The following DHRS3 variants were observed in gnomAD, a reference collection of about 807,000 sequenced individuals.
DHRS3 encodes short-chain dehydrogenase/reductase 3.
A neutral mutation model predicts 27.2 loss-of-function variants in DHRS3; 14 were observed. The observed-to-expected ratio is 0.52, with a 90% CI of 0.34 to 0.81. The LOEUF is 0.81. Among genes scored for constraint, DHRS3 ranks in the 30% least tolerant of loss-of-function variants. The probability of loss-of-function intolerance (pLI) is 0.01; values close to 1 mark genes in which losing one functional copy is unlikely to be tolerated. For missense variants in DHRS3, 322 were observed against 406.2 expected (o/e 0.79, Z 1.78); for synonymous variants, 165 against 175.9 (o/e 0.94, Z 0.49).
Position 12,594,984 on chromosome 1 carries a change from C to A in DHRS3, c.196-14318G>T. Among the ~76,000 whole-genome samples, 1 of 152,154 alleles carries A rather than the reference C, an allele frequency of 6.6e-6. No individual in the cohort carries two copies. The highest frequency in any genetic ancestry group is 2.4e-5 in the African/African-American group (1 of 41,424). On this transcript the variant is annotated intron_variant, in intron 1 of 5. Coordinates refer to ENST00000616661, the MANE Select transcript of DHRS3 (RefSeq NM_004753.7). This position sits in a 1 kb window ranked among gnomAD's most constrained non-coding sequence, Gnocchi z 4.1. ...AAGAATGAGGTTGCCGTTCCCTGAG[C>A]CCCAGCGCCTCCCTCTCCAGGAGGG...
intron 1 of DHRS3, among the ~76,000 whole-genome samples, chr1:12,595,081 AC>A (rs2100696653): frequency 6.6e-6 from 1 of 152,270 alleles, no homozygotes; most frequent in South Asian, 2.1e-4. Flanking sequence ...CAATTGGTTT[AC>A]GCAGAGGGAG....
At chr1:12,616,493 G>T in intron 1 of DHRS3, 1 of 912,750 alleles carries the variant, frequency 1.1e-6, no homozygotes, top group Non-Finnish European at 1.3e-6. Context: ...ATCCCTGGGG[G>T]GTGTACTGGG....
intron 4 of DHRS3, among the ~76,000 whole-genome samples, chr1:12,576,219 G>A (rs1021301727): frequency 6.6e-6 from 1 of 152,070 alleles, no homozygotes. Flanking sequence ...ACACAAACTC[G>A]ATGTCTGCAA....
At chr1:12,600,969 T>C (rs1410172226) in intron 1 of DHRS3, among the ~76,000 whole-genome samples, 1 of 147,742 alleles carries the variant, frequency 6.8e-6, no homozygotes, top group Non-Finnish European at 1.5e-5. Flanking sequence ...CTTTTTTTTC[T>C]TGGGGAGATG....
At chr1:12,571,264 G>A (rs890895783) in intron 5 of DHRS3, among the ~76,000 whole-genome samples, 1 of 152,204 alleles carries the variant, frequency 6.6e-6, no homozygotes, top group African/African-American at 2.4e-5. Context: ...GGAATAGGAT[G>A]CCAGGCAAAT....
chr1:12,588,370 G>A (rs78444419), intron 1 of DHRS3, among the ~76,000 whole-genome samples: 10,865 of 152,254 alleles, frequency 0.071, 401 homozygotes, highest in Non-Finnish European at 0.087. Context: ...AGGTGGGTAT[G>A]TTTACCTTCT....
Position 12,586,392 on chromosome 1 carries a change from C to T in DHRS3, c.196-5726G>A, listed in dbSNP as rs1274590324. On this transcript the variant is annotated intron_variant, in intron 1 of 5. Coordinates refer to ENST00000616661, the MANE Select transcript of DHRS3 (RefSeq NM_004753.7). The surrounding 1 kb of genome is among the most constrained non-coding windows in gnomAD (Gnocchi z 5.0). ...TCCACTCTCCTCACATGCAACCCCA[C>T]GCCCCGCGTTCATCCCCACCCAGCC... Among the ~76,000 whole-genome samples the T allele has an allele frequency of 4.6e-5, 7 of 152,216 alleles. No homozygotes were observed. The highest frequency in any genetic ancestry group is 2.1e-4 in the South Asian group (1 of 4,834).
At chr1:12,600,972 G>A (rs1646831797) in intron 1 of DHRS3, among the ~76,000 whole-genome samples, 1 of 151,270 alleles carries the variant, frequency 6.6e-6, no homozygotes, top group Admixed American at 6.6e-5. Context: ...TTTTTTCTTG[G>A]GGAGATGGGT....
Position 12,587,960 on chromosome 1 carries a change from C to T in DHRS3, c.196-7294G>A, listed in dbSNP as rs1010986350. On this transcript the variant is annotated intron_variant, in intron 1 of 5. Coordinates refer to ENST00000616661, the MANE Select transcript of DHRS3 (RefSeq NM_004753.7). ...TGAGTGAGTGAGGGAGGGAGCCTGC[C>T]GGGGATCCACAGCTCCCAGTTTCCA... is the stretch of plus-strand genomic sequence containing the variant. Among the ~76,000 whole-genome samples, 12 of 152,298 alleles carry T rather than the reference C, an allele frequency of 7.9e-5. 1 individual carries two copies. Among genetic ancestry groups the T allele is most frequent in the South Asian group, 4.1e-4 (2 of 4,826 alleles).
intron 1 of DHRS3, among the ~76,000 whole-genome samples, chr1:12,606,083 A>G (rs1646868381): frequency 6.8e-6 from 1 of 147,824 alleles, no homozygotes; most frequent in Non-Finnish European, 1.5e-5. Flanking sequence ...GGTTGCAGTG[A>G]GCTGAGATCA....
In DHRS3 at chr1:12,578,370, C is replaced by A. The variant is rs1646609610; in HGVS notation, c.698+348G>T. Among the ~76,000 whole-genome samples the A allele has an allele frequency of 6.6e-6, 1 of 152,238 alleles. No homozygotes were observed. The highest frequency in any genetic ancestry group is 1.5e-5 in the Non-Finnish European group (1 of 68,042). Reference sequence around the variant, plus strand: ...TCTCTCCCAGGCTGGAGTGCAGTCGCACAATCACAGCTCACTTGCAGCCTC... The same window carrying A: ...TCTCTCCCAGGCTGGAGTGCAGTCGAACAATCACAGCTCACTTGCAGCCTC... On this transcript the variant is annotated intron_variant, in intron 4 of 5. Transcript: ENST00000616661. This position sits in a 1 kb window ranked among gnomAD's most constrained non-coding sequence, Gnocchi z 4.5.
At chr1:12,569,218 C>G (rs1329396584) in intron 5 of DHRS3, among the ~76,000 whole-genome samples, 1 of 106,206 alleles carries the variant, frequency 9.4e-6, no homozygotes, top group African/African-American at 4.0e-5. Flanking sequence ...ACTCTGTCCC[C>G]TCTCTCTCTC....
Position 12,617,502 on chromosome 1 carries a change from A to C in DHRS3, c.-154T>G. The C allele has an allele frequency of 1.0e-5, 4 of 389,598 alleles. No individual in the cohort carries two copies. The highest frequency in any genetic ancestry group is 4.7e-5 in the Admixed American group (1 of 21,076). The allele number at this position is 389,598 out of a possible 1,614,324, so 24.1% of individuals were successfully genotyped here. A position where few individuals can be genotyped will look rare whatever the true frequency, so the allele number is the denominator to read the frequency against. On this transcript the variant is annotated 5_prime_UTR_variant, in exon 1 of 6. Coordinates refer to ENST00000616661, the MANE Select transcript of DHRS3 (RefSeq NM_004753.7). ...TGAAATCACCTCTTCCCAAATGCAA[A>C]GCACCGGGTGAGAAAAAGAAAAAAA...
intron 1 of DHRS3, among the ~76,000 whole-genome samples, chr1:12,601,046 C>T (rs564213606): frequency 6.6e-6 from 1 of 152,226 alleles, no homozygotes; most frequent in African/African-American, 2.4e-5. Flanking sequence ...GCAGGATTAG[C>T]TCTGGAGGGC....
chr1:12,617,267 C>G lies in DHRS3; in HGVS notation c.82G>C (p.Val28Leu). Residue 28 changes from valine to leucine, a missense_variant, in exon 1 of 6, where the codon GTG becomes CTG. Coordinates refer to ENST00000616661, the MANE Select transcript of DHRS3 (RefSeq NM_004753.7). Reference protein sequence around the residue: ...YLVVKAAVGLVLPAKLRDLSR... With the variant: ...YLVVKAAVGLLLPAKLRDLSR... ...AGGTCCCGCAGCTTGGCGGGCAGCA[C>G]CAGTCCGACGGCTGCTTTCACCACC... 1 of 1,613,820 alleles carries G rather than the reference C, an allele frequency of 6.2e-7. No individual in the cohort carries two copies. The highest frequency in any genetic ancestry group is 1.1e-5 in the South Asian group (1 of 91,088).
intron 1 of DHRS3, among the ~76,000 whole-genome samples, chr1:12,582,608 G>A (rs1049590782): frequency 3.3e-5 from 5 of 152,094 alleles, no homozygotes; most frequent in African/African-American, 9.7e-5. Context: ...AAAGAAAAAA[G>A]ACAAACATTT....
chr1:12,600,861 C>A (rs181828627), intron 1 of DHRS3, among the ~76,000 whole-genome samples: 1 of 152,110 alleles, frequency 6.6e-6, no homozygotes, highest in African/African-American at 2.4e-5. Context: ...AGTCTGTTGA[C>A]AACCTGCTGG....
rs915278471 is a variant in DHRS3 at position 12,594,004 on chromosome 1, A to G, written c.196-13338T>C. On this transcript the variant is annotated intron_variant, in intron 1 of 5. Coordinates refer to ENST00000616661, the MANE Select transcript of DHRS3 (RefSeq NM_004753.7). This position sits in a 1 kb window ranked among gnomAD's most constrained non-coding sequence, Gnocchi z 4.1. ...GGCAGAGAAACTCAGGCTAGAGTTC[A>G]TGGCTGACACCTCACAACCTTTGCC... 1.4e-4 allele frequency among the ~76,000 whole-genome samples: 21 copies of G among 152,222 alleles called. 1 individual carries two copies. Among genetic ancestry groups the G allele is most frequent in the Admixed American group, 1.0e-3 (16 of 15,288 alleles).
At position 12,586,149 on chromosome 1, in the gene DHRS3, T is replaced by C. The variant is rs1646695407; in HGVS notation, c.196-5483A>G. Among the ~76,000 whole-genome samples, 1 of 152,180 alleles carries C rather than the reference T, an allele frequency of 6.6e-6. No individual in the cohort carries two copies. The highest frequency in any genetic ancestry group is 1.5e-5 in the Non-Finnish European group (1 of 68,026). On this transcript the variant is annotated intron_variant, in intron 1 of 5. Transcript: ENST00000616661. The surrounding 1 kb of genome is among the most constrained non-coding windows in gnomAD (Gnocchi z 5.0). The stretch of plus-strand genomic sequence containing the variant: ...CTGTCCTGCCCTTGCCCAGAGCTGC[T>C]CTCAAGGCGGCTATAGCCAGACAGA...
Sources: gnomAD v4.1 joint callset for allele counts (sites outside exome capture counted in the v4.1 genomes callset) on GRCh38, gnomAD v4.1.1 for gene constraint, Gnocchi (gnomAD v3.1) non-coding constraint, MANE v1.5 for transcripts, NCBI Gene and HGNC (gene_info 2026-07-23, HGNC 2026-07-21) for gene names.